The following SETBP1 variants were observed in gnomAD, a reference collection of about 807,000 sequenced individuals.
SETBP1 encodes the protein SET-binding protein.
Under a neutral mutation model 101.0 loss-of-function variants are expected in SETBP1, and 9 were observed. The ratio of observed to expected loss-of-function variants is 0.09; its 90% CI spans 0.05 to 0.16. SETBP1 has a LOEUF of 0.16. Ranked by LOEUF, SETBP1 falls within the 10% of genes least tolerant of loss-of-function variation. SETBP1 has a pLI of 1.00. For synonymous variants in SETBP1, 818 were observed against 788.5 expected, an observed-to-expected ratio of 1.04 and a Z score of -0.63; for missense variants, 1,858 against 2,033.8, an observed-to-expected ratio of 0.91 and a Z score of 1.66.
intron 2 of SETBP1, among the ~76,000 whole-genome samples, chr18:44,817,711 G>C (rs200330536): frequency 6.6e-6 from 1 of 151,468 alleles, no homozygotes; most frequent in African/African-American, 2.4e-5. Flanking sequence ...AAAAAAAAAG[G>C]CTTCACACAT....
At chr18:44,878,766 C>A (rs2069466195) in intron 3 of SETBP1, among the ~76,000 whole-genome samples, 1 of 152,150 alleles carries the variant, frequency 6.6e-6, no homozygotes, top group Non-Finnish European at 1.5e-5. Context: ...TTCCACCTAT[C>A]TACTCACCCC....
intron 2 of SETBP1, among the ~76,000 whole-genome samples, chr18:44,784,286 T>C (rs1256408248): frequency 6.6e-6 from 1 of 152,248 alleles, no homozygotes; most frequent in Non-Finnish European, 1.5e-5. Context: ...TTTCATTCAT[T>C]CTTATAACAT....
intron 3 of SETBP1, among the ~76,000 whole-genome samples, chr18:44,895,317 T>C (rs1285859642): frequency 2.6e-5 from 1 of 37,962 alleles, no homozygotes; most frequent in Non-Finnish European, 4.9e-5. Flanking sequence ...AGAGAGGGAG[T>C]GAAGGAAGGA....
At chr18:44,773,123 G>C (rs1268387157) in intron 2 of SETBP1, among the ~76,000 whole-genome samples, 1 of 152,024 alleles carries the variant, frequency 6.6e-6, no homozygotes, top group Non-Finnish European at 1.5e-5. Flanking sequence ...TATTGAATAA[G>C]GGTTCATAAT....
chr18:44,866,984 G>T (rs2069143599), intron 2 of SETBP1, among the ~76,000 whole-genome samples: 1 of 152,180 alleles, frequency 6.6e-6, no homozygotes, highest in African/African-American at 2.4e-5. Context: ...ATGGTCTCCA[G>T]TGTGCTATAA....
intron 5 of SETBP1, among the ~76,000 whole-genome samples, chr18:45,062,664 G>A (rs891378831): frequency 2.0e-5 from 3 of 151,954 alleles, no homozygotes; most frequent in Admixed American, 6.6e-5. Context: ...AAATTGAATC[G>A]GATCAAATGT....
At chr18:44,946,923 A>G (rs1568231508) in intron 3 of SETBP1, among the ~76,000 whole-genome samples, 1 of 152,198 alleles carries the variant, frequency 6.6e-6, no homozygotes, top group Non-Finnish European at 1.5e-5. Context: ...GAAGGCAGTG[A>G]CCGTGTTTGC....
chr18:44,764,767 C>T (rs778633223), intron 2 of SETBP1, among the ~76,000 whole-genome samples: 30 of 152,274 alleles, frequency 2.0e-4, no homozygotes, highest in Middle Eastern at 3.4e-3. Flanking sequence ...CCACCGCGCC[C>T]GGCCATCTCT....
intron 4 of SETBP1, among the ~76,000 whole-genome samples, chr18:45,021,273 G>A (rs2073060511): frequency 6.6e-6 from 1 of 152,188 alleles, no homozygotes; most frequent in Non-Finnish European, 1.5e-5. Context: ...CTGTATGCCA[G>A]CTATCATCTA....
At chr18:45,056,601 G>C (rs2073812230) in intron 5 of SETBP1, among the ~76,000 whole-genome samples, 2 of 152,240 alleles carry the variant, frequency 1.3e-5, no homozygotes, top group Non-Finnish European at 2.9e-5. Flanking sequence ...GAAGCTGCTG[G>C]TTTAATTTAG....
intron 4 of SETBP1, among the ~76,000 whole-genome samples, chr18:44,969,307 G>A (rs937807659): frequency 1.3e-5 from 2 of 152,146 alleles, no homozygotes; most frequent in Admixed American, 6.6e-5. Context: ...GAAGAATTGA[G>A]AGTCTGACAA....
intron 3 of SETBP1, among the ~76,000 whole-genome samples, chr18:44,886,519 C>T (rs2069651832): frequency 1.3e-5 from 2 of 151,926 alleles, no homozygotes; most frequent in Admixed American, 1.3e-4. Flanking sequence ...GGATAGTGTA[C>T]TTTTATATTT....
At chr18:44,739,085 G>A (rs1372215409) in intron 2 of SETBP1, among the ~76,000 whole-genome samples, 2 of 152,052 alleles carry the variant, frequency 1.3e-5, no homozygotes, top group Admixed American at 6.5e-5. Context: ...AACTCAAGTC[G>A]AATCATTTTC....
intron 4 of SETBP1, among the ~76,000 whole-genome samples, chr18:45,035,616 C>A (rs2073380640): frequency 6.6e-6 from 1 of 152,214 alleles, no homozygotes; most frequent in African/African-American, 2.4e-5. Context: ...AGTTAAATAT[C>A]TGACTGCTAA....
intron 2 of SETBP1, among the ~76,000 whole-genome samples, chr18:44,787,677 G>A (rs7231127): frequency 0.99 from 140,031 of 141,320 alleles, 69,385 homozygotes; most frequent in Middle Eastern, 1. Context: ...ACAAGGTGAA[G>A]CCCCGTCTCT....
chr18:44,983,160 T>C (rs1469826212), intron 4 of SETBP1, among the ~76,000 whole-genome samples: 1 of 152,086 alleles, frequency 6.6e-6, no homozygotes, highest in Non-Finnish European at 1.5e-5. Context: ...AGAGAGAACA[T>C]GAACAGAAGC....
chr18:44,691,005 A>G (rs1039660506), intron 1 of SETBP1, among the ~76,000 whole-genome samples: 3 of 152,130 alleles, frequency 2.0e-5, no homozygotes, highest in Admixed American at 6.5e-5. Context: ...AGATGAGAAA[A>G]CTGATGCCCA....
intron 2 of SETBP1, among the ~76,000 whole-genome samples, chr18:44,779,938 A>ACACACACGCACG (rs1246209930): frequency 6.6e-6 from 1 of 151,768 alleles, no homozygotes; most frequent in African/African-American, 2.4e-5. Flanking sequence ...ACGCACGCAC[A>ACACACACGCACG]CACACACGCA....
At chr18:44,800,662 G>A (rs1004945) in intron 2 of SETBP1, among the ~76,000 whole-genome samples, 17,639 of 152,080 alleles carry the variant, frequency 0.12, 1,095 homozygotes, top group East Asian at 0.23. Flanking sequence ...AGTAGTTATG[G>A]CTGAGGAAAT....
Sources: gnomAD v4.1 joint callset for allele counts (sites outside exome capture counted in the v4.1 genomes callset) on GRCh38, gnomAD v4.1.1 for gene constraint, MANE v1.5 for transcripts, NCBI Gene and HGNC (gene_info 2026-07-23, HGNC 2026-07-21) for gene names.